ZBTB20: variants seen among roughly 807,000 people sequenced by gnomAD.
The protein encoded by ZBTB20 is zinc finger and BTB domain-containing protein 20.
A neutral mutation model predicts 56.9 loss-of-function variants in ZBTB20; 9 were observed. The ratio of observed to expected loss-of-function variants is 0.16; its 90% CI spans 0.10 to 0.28. The LOEUF is 0.28. Among genes scored for constraint, ZBTB20 ranks in the 10% least tolerant of loss-of-function variants. The pLI, the probability that ZBTB20 is intolerant of heterozygous loss-of-function variation, is 1.00. For synonymous variants in ZBTB20, 417 were observed against 420.7 expected, an observed-to-expected ratio of 0.99 and a Z score of 0.11; for missense variants, 655 against 1,003.0, an observed-to-expected ratio of 0.65 and a Z score of 4.69.
At chr3:114,679,554 T>C (rs1391804138) in intron 6 of ZBTB20, among the ~76,000 whole-genome samples, 6 of 152,000 alleles carry the variant, frequency 3.9e-5, no homozygotes, top group African/African-American at 7.2e-5. Flanking sequence ...CACTGGTCAA[T>C]AGAGAAATGC....
chr3:114,767,558 T>A (rs2068869349), intron 5 of ZBTB20, among the ~76,000 whole-genome samples: 1 of 133,284 alleles, frequency 7.5e-6, no homozygotes. Context: ...AGAAAGGAAG[T>A]GAGGGAGAAA....
intron 4 of ZBTB20, among the ~76,000 whole-genome samples, chr3:114,892,831 C>A (rs2076870858): frequency 6.6e-6 from 1 of 152,178 alleles, no homozygotes; most frequent in Non-Finnish European, 1.5e-5. Flanking sequence ...AGATAATGAC[C>A]TGCAAATTTC....
At chr3:115,077,631 A>T (rs914830985) in intron 1 of ZBTB20, among the ~76,000 whole-genome samples, 2 of 152,240 alleles carry the variant, frequency 1.3e-5, no homozygotes, top group African/African-American at 2.4e-5. Context: ...AGATATATTT[A>T]AAAATATTTA....
At chr3:114,436,411 A>G (rs1250171145) in intron 7 of ZBTB20, among the ~76,000 whole-genome samples, 1 of 152,172 alleles carries the variant, frequency 6.6e-6, no homozygotes, top group Admixed American at 6.5e-5. Context: ...CCTGTGTCCC[A>G]TCTGAGCCTC....
At chr3:114,898,180 A>C (rs1176522852) in intron 4 of ZBTB20, among the ~76,000 whole-genome samples, 1 of 152,152 alleles carries the variant, frequency 6.6e-6, no homozygotes, top group Non-Finnish European at 1.5e-5. Context: ...AGATAGAGAT[A>C]GGGAGGGAGA....
chr3:114,641,554 G>A, intron 6 of ZBTB20, among the ~76,000 whole-genome samples: 1 of 151,662 alleles, frequency 6.6e-6, no homozygotes, highest in Non-Finnish European at 1.5e-5. Flanking sequence ...GCGAAAAGTG[G>A]CTGGAGTAGA....
intron 2 of ZBTB20, among the ~76,000 whole-genome samples, chr3:115,038,573 G>T (rs906303036): frequency 6.6e-6 from 1 of 152,044 alleles, no homozygotes; most frequent in Non-Finnish European, 1.5e-5. Flanking sequence ...ACTCATCCCA[G>T]TGAAGTTTCC....
intron 3 of ZBTB20, among the ~76,000 whole-genome samples, chr3:114,955,911 A>G (rs1446134733): frequency 6.6e-6 from 1 of 152,180 alleles, no homozygotes; most frequent in African/African-American, 2.4e-5. Flanking sequence ...TGGAAAAGGA[A>G]AAGGCAAATT....
At chr3:114,908,983 G>GA (rs925806056) in intron 3 of ZBTB20, among the ~76,000 whole-genome samples, 8 of 151,322 alleles carry the variant, frequency 5.3e-5, no homozygotes, top group South Asian at 2.1e-4. Context: ...ATTTAAGAAT[G>GA]AAAAAAAATA....
chr3:114,832,638 T>A (rs1055367780), intron 4 of ZBTB20, among the ~76,000 whole-genome samples: 1 of 152,146 alleles, frequency 6.6e-6, no homozygotes, highest in African/African-American at 2.4e-5. Context: ...TGAAACGTTA[T>A]ATTTTCTATT....
At chr3:114,511,957 C>T (rs921399632) in intron 6 of ZBTB20, among the ~76,000 whole-genome samples, 1 of 152,088 alleles carries the variant, frequency 6.6e-6, no homozygotes, top group Non-Finnish European at 1.5e-5. Flanking sequence ...GCTGAAGTGT[C>T]TCATCTGGTA....
intron 2 of ZBTB20, among the ~76,000 whole-genome samples, chr3:115,050,759 A>G (rs914761457): frequency 2.6e-5 from 4 of 152,076 alleles, no homozygotes; most frequent in Non-Finnish European, 5.9e-5. Context: ...TTCTGATTAA[A>G]GGCTATGATC....
At chr3:114,446,575 A>T (rs547350048) in intron 7 of ZBTB20, among the ~76,000 whole-genome samples, 1 of 152,168 alleles carries the variant, frequency 6.6e-6, no homozygotes, top group African/African-American at 2.4e-5. Flanking sequence ...CGAATTTATT[A>T]CCCTGGACTT....
At chr3:114,366,474 T>C (rs1034850467) in intron 10 of ZBTB20, among the ~76,000 whole-genome samples, 3 of 152,160 alleles carry the variant, frequency 2.0e-5, no homozygotes, top group Admixed American at 6.5e-5. Flanking sequence ...ACCATCTAAT[T>C]TGCGTCTTTG....
At chr3:114,760,827 C>G (rs75724501) in intron 5 of ZBTB20, among the ~76,000 whole-genome samples, 5,213 of 152,196 alleles carry the variant, frequency 0.034, 143 homozygotes, top group African/African-American at 0.07. Context: ...GGGCAGGCTT[C>G]TACTGCTTCT....
At chr3:114,436,083 C>T (rs1360496890) in intron 7 of ZBTB20, among the ~76,000 whole-genome samples, 2 of 152,186 alleles carry the variant, frequency 1.3e-5, no homozygotes, top group Admixed American at 1.3e-4. Flanking sequence ...CACCTTCCCA[C>T]CCGCCAACGG....
At chr3:114,925,138 C>T (rs1347412032) in intron 3 of ZBTB20, among the ~76,000 whole-genome samples, 3 of 151,884 alleles carry the variant, frequency 2.0e-5, no homozygotes, top group Admixed American at 1.3e-4. Context: ...CACATGCCAC[C>T]ACACCCAGCT....
chr3:114,395,395 C>T (rs953244980), intron 7 of ZBTB20, among the ~76,000 whole-genome samples: 22 of 151,908 alleles, frequency 1.4e-4, no homozygotes, highest in Non-Finnish European at 2.8e-4. Context: ...TTTCTATCTG[C>T]AAAAAGAGGA....
intron 7 of ZBTB20, among the ~76,000 whole-genome samples, chr3:114,482,700 C>T (rs929977187): frequency 2.0e-5 from 3 of 152,032 alleles, no homozygotes; most frequent in African/African-American, 7.2e-5. Context: ...AACCAATCTG[C>T]TCAAATTTTA....
Sources: gnomAD v4.1 joint callset for allele counts (sites outside exome capture counted in the v4.1 genomes callset) on GRCh38, gnomAD v4.1.1 for gene constraint, MANE v1.5 for transcripts, NCBI Gene and HGNC (gene_info 2026-07-23, HGNC 2026-07-21) for gene names.